Variants in SLC25A17 observed in about 807,000 individuals in gnomAD.
SLC25A17 encodes peroxisomal membrane protein PMP34.
A neutral mutation model predicts 38.5 loss-of-function variants in SLC25A17; 26 were observed. The observed-to-expected ratio is 0.68, with a 90% confidence interval of 0.50 to 0.94. The LOEUF (loss-of-function observed/expected upper bound fraction) is 0.94. Among genes scored for constraint, SLC25A17 ranks in the 40% least tolerant of loss-of-function variants. The pLI is 0.00. For missense variants in SLC25A17, 333 were observed against 372.7 expected (o/e 0.89, Z 0.88); for synonymous variants, 139 against 136.2 (o/e 1.02, Z -0.14).
chr22:40,771,139 G>A (rs191652767), intron 8 of SLC25A17, among the ~76,000 whole-genome samples, 158 bp from the exon 9 acceptor site: 2 of 152,268 alleles, frequency 1.3e-5, no homozygotes, highest in Non-Finnish European at 2.9e-5. Flanking sequence ...ACGGAGTCTC[G>A]CTCTGTCGCC....
chr22:40,792,117 A>AGT (rs2057389932), intron 4 of SLC25A17, among the ~76,000 whole-genome samples: 1 of 152,226 alleles, frequency 6.6e-6, no homozygotes. Context: ...CATTATACTA[A>AGT]GTGAAGTAAG....
chr22:40,818,214 A>C (rs1336358050), intron 1 of SLC25A17, among the ~76,000 whole-genome samples: 1 of 152,188 alleles, frequency 6.6e-6, no homozygotes, highest in Non-Finnish European at 1.5e-5. Flanking sequence ...GTGTGTGCTA[A>C]CAACTGGTGA....
intron 1 of SLC25A17, among the ~76,000 whole-genome samples, chr22:40,801,916 G>C (rs1283096838): frequency 6.6e-6 from 1 of 152,126 alleles, no homozygotes; most frequent in African/African-American, 2.4e-5. Context: ...TCAGCCTCCC[G>C]AGTAGCTGGG....
rs749795949 is a variant in SLC25A17, at chr22:40,792,616, G to C, written c.243C>G (p.Val81=). 2 of 1,614,048 alleles carry C rather than the reference G, an allele frequency of 1.2e-6. No homozygotes were observed. The highest frequency in any genetic ancestry group is 1.7e-6 in the Non-Finnish European group (2 of 1,179,972). ...TGAGGCTATTAAAAGTGTAGAAATA[G>C]ACAAAATTGGAGCAGCAGAGACTGG... The part of the protein sequence containing the change: ...VISSLCCSNF[V]YFYTFNSLKA... The change falls in exon 4 of 9, where the codon GTC becomes GTG. Residue 81 remains valine, a synonymous_variant. Coordinates refer to ENST00000435456, the MANE Select transcript of SLC25A17 (RefSeq NM_006358.4).
In SLC25A17 at chr22:40,810,224, C is replaced by T. The variant is rs547515729; in HGVS notation, c.54+8971G>A. 5.3e-5 allele frequency among the ~76,000 whole-genome samples: 8 copies of T among 152,140 alleles called. No individual in the cohort carries two copies. The South Asian group carries it at 1.7e-3, about 32-fold the overall frequency. ...GTGTCTTTTTGTATACTGGTGGTCC[C>T]TATCTTTTAGTGCATTAATTGCATC... On this transcript the variant is annotated intron_variant, in intron 1 of 8. Transcript: ENST00000435456.
chr22:40,817,273 G>A (rs763060762), intron 1 of SLC25A17: 16 of 152,406 alleles, frequency 1.0e-4, no homozygotes, highest in Non-Finnish European at 1.9e-4. Context: ...TTCTTCACGT[G>A]GCTTTCACTC....
chr22:40,818,319 G>A (rs1336300477), intron 1 of SLC25A17, among the ~76,000 whole-genome samples: 1 of 152,094 alleles, frequency 6.6e-6, no homozygotes, highest in East Asian at 1.9e-4. Context: ...AGGGGAGAGG[G>A]GAAGTGTCAA....
At chr22:40,779,569 G>C in intron 4 of SLC25A17, 1 of 261,722 alleles carries the variant, frequency 3.8e-6, no homozygotes, top group Middle Eastern at 1.3e-3. Flanking sequence ...ACGGTTTGAA[G>C]TGAGTATGGA....
intron 4 of SLC25A17, among the ~76,000 whole-genome samples, chr22:40,784,245 T>G (rs2057318046): frequency 6.6e-6 from 1 of 152,094 alleles, no homozygotes; most frequent in African/African-American, 2.4e-5. Context: ...CAAACCATGA[T>G]GAATAAATGG....
chr22:40,794,896 G>A (rs770833752), intron 2 of SLC25A17, among the ~76,000 whole-genome samples: 70 of 152,192 alleles, frequency 4.6e-4, no homozygotes, highest in South Asian at 1.9e-3. Context: ...TGGGATTATA[G>A]GCATGAGCCA....
intron 4 of SLC25A17, among the ~76,000 whole-genome samples, chr22:40,782,976 G>C (rs1009227449): frequency 2.0e-5 from 3 of 152,070 alleles, no homozygotes; most frequent in Admixed American, 2.0e-4. Flanking sequence ...GAGCAACAAC[G>C]CTGTTCCTAG....
intron 1 of SLC25A17, among the ~76,000 whole-genome samples, chr22:40,803,353 T>C (rs1479728143): frequency 6.6e-6 from 1 of 152,190 alleles, no homozygotes; most frequent in African/African-American, 2.4e-5. Flanking sequence ...TTCTACTCTC[T>C]ACTTCTATAA....
intron 1 of SLC25A17, among the ~76,000 whole-genome samples, chr22:40,812,637 G>C (rs1053173683): frequency 4.6e-5 from 7 of 152,138 alleles, no homozygotes; most frequent in Non-Finnish European, 7.3e-5. Context: ...GGGTCCCGAC[G>C]TGGCTGAGTC....
chr22:40,781,943 C>T (rs752060230), intron 4 of SLC25A17, among the ~76,000 whole-genome samples: 4 of 152,088 alleles, frequency 2.6e-5, no homozygotes, highest in Non-Finnish European at 4.4e-5. Context: ...CAGTTCCGGC[C>T]GGGTGCGGTT....
In SLC25A17 at chr22:40,792,664, A is replaced by G; in HGVS notation, c.195T>C (p.Tyr65=). 1 of 1,614,078 alleles carries G rather than the reference A, an allele frequency of 6.2e-7. No homozygotes were observed. Among genetic ancestry groups the G allele is most frequent in the Non-Finnish European group, 8.5e-7 (1 of 1,179,968 alleles). ...IIKEEGLLAP[Y]RGWFPVISSL... is the part of the protein sequence containing the mutation. ...TGGAAATCACTGGAAACCACCCTCG[A>G]TATGGTGCCAGGCTAGGGGAAAAAC... is the stretch of plus-strand genomic sequence containing the variant. Residue 65 remains tyrosine, a synonymous_variant, in exon 4 of 9, where the codon TAT becomes TAC. Coordinates refer to ENST00000435456, the MANE Select transcript of SLC25A17 (RefSeq NM_006358.4).
chr22:40,792,342 T>C (rs1408430681), intron 4 of SLC25A17, among the ~76,000 whole-genome samples, 183 bp downstream of exon 4: 1 of 151,962 alleles, frequency 6.6e-6, no homozygotes, highest in East Asian at 1.9e-4. Flanking sequence ...CTACTGACCT[T>C]ACACTTAAAA....
intron 4 of SLC25A17, 46 bp from the exon 5 acceptor site, chr22:40,779,171 C>T (rs2057273960): frequency 6.2e-7 from 1 of 1,613,778 alleles, no homozygotes; most frequent in East Asian, 2.2e-5. Flanking sequence ...AAAATGTCAG[C>T]TTTTAAGCTT....
intron 3 of SLC25A17, among the ~76,000 whole-genome samples, chr22:40,793,569 A>T (rs887260856): frequency 6.6e-6 from 1 of 152,020 alleles, no homozygotes; most frequent in African/African-American, 2.4e-5. Context: ...CCTCAATGGA[A>T]TCATGAGGAA....
At position 40,777,044 on chromosome 22, in the gene SLC25A17, A is replaced by G. The variant is rs749001421; in HGVS notation, c.689T>C (p.Leu230Pro). Reference protein sequence around the residue: ...TYPLQTVQSILRFGRHRLNPE... With the variant: ...TYPLQTVQSIPRFGRHRLNPE... ...GAAGAGAACTCCAGCACTCACCCTC[A>G]GAATTGACTGTACCGTCTGCAGGGG... The change falls in exon 7 of 9, where the codon CTG becomes CCG. Residue 230 changes from leucine to proline, a missense_variant. Coordinates refer to ENST00000435456, the MANE Select transcript of SLC25A17 (RefSeq NM_006358.4). 2 of 1,613,974 alleles carry G rather than the reference A, an allele frequency of 1.2e-6. No individual in the cohort carries two copies. The highest frequency in any genetic ancestry group is 2.2e-5 in the South Asian group (2 of 91,072).
Sources: allele counts gnomAD v4.1 joint callset (sites outside exome capture counted in the v4.1 genomes callset), GRCh38; gene constraint gnomAD v4.1.1; transcripts MANE v1.5; gene names NCBI Gene and HGNC (gene_info 2026-07-23, HGNC 2026-07-21).